The following CCDC85A variants were observed in gnomAD, a reference collection of about 807,000 sequenced individuals.
CCDC85A encodes the protein coiled-coil domain containing 85A.
In CCDC85A, 38 loss-of-function variants were observed where a neutral mutation model predicts 50.2. That is an observed-to-expected ratio of 0.76 (90% confidence interval 0.58 to 0.99). The LOEUF is 0.99. Among genes scored for constraint, CCDC85A ranks in the 50% least tolerant of loss-of-function variants. CCDC85A has a pLI of 0.00. For synonymous variants in CCDC85A, 366 were observed against 301.4 expected (o/e 1.21, Z -2.22); for missense variants, 820 against 742.0 (o/e 1.11, Z -1.22).
chr2:56,245,384 A>T (rs965151683), intron 2 of CCDC85A, among the ~76,000 whole-genome samples: 2 of 152,200 alleles, frequency 1.3e-5, no homozygotes, highest in African/African-American at 4.8e-5. Flanking sequence ...CCACAAGCCC[A>T]CAGATTCCCT....
chr2:56,289,684 T>C (rs1360250372), intron 2 of CCDC85A, among the ~76,000 whole-genome samples: 1 of 152,178 alleles, frequency 6.6e-6, no homozygotes, highest in African/African-American at 2.4e-5. Context: ...CCATCTTCTT[T>C]CCACTATTCA....
intron 2 of CCDC85A, among the ~76,000 whole-genome samples, chr2:56,297,055 G>T (rs553400876): frequency 6.6e-6 from 1 of 152,214 alleles, no homozygotes; most frequent in Admixed American, 6.5e-5. Flanking sequence ...TCTGAAAAAT[G>T]AACATGAGAT....
intron 2 of CCDC85A, among the ~76,000 whole-genome samples, chr2:56,318,508 T>C (rs1673019425): frequency 6.6e-6 from 1 of 152,144 alleles, no homozygotes; most frequent in Non-Finnish European, 1.5e-5. Context: ...AAGATATTTT[T>C]GTTTATTTTC....
At chr2:56,196,427 T>C (rs1676522048) in intron 2 of CCDC85A, among the ~76,000 whole-genome samples, 1 of 152,248 alleles carries the variant, frequency 6.6e-6, no homozygotes, top group Admixed American at 6.5e-5. Flanking sequence ...TGAATAACCA[T>C]TGTCATTTAT....
chr2:56,264,973 C>G (rs994209890), intron 2 of CCDC85A, among the ~76,000 whole-genome samples: 1 of 152,138 alleles, frequency 6.6e-6, no homozygotes, highest in Non-Finnish European at 1.5e-5. Context: ...TTAAGGAGAC[C>G]TACTTGGACT....
chr2:56,219,241 C>G (rs145691277), intron 2 of CCDC85A, among the ~76,000 whole-genome samples: 1 of 147,332 alleles, frequency 6.8e-6, no homozygotes, highest in Non-Finnish European at 1.5e-5. Context: ...ATACGAGATG[C>G]GAAGATGAAT....
chr2:56,226,827 G>T (rs1668562173), intron 2 of CCDC85A, among the ~76,000 whole-genome samples: 3 of 151,956 alleles, frequency 2.0e-5, no homozygotes, highest in Admixed American at 2.0e-4. Context: ...GGAAATCTGA[G>T]TTCCTAGCAC....
intron 2 of CCDC85A, among the ~76,000 whole-genome samples, chr2:56,294,748 G>A (rs2104162089): frequency 6.6e-6 from 1 of 152,304 alleles, no homozygotes; most frequent in East Asian, 1.9e-4. Flanking sequence ...TTTCTGGGTT[G>A]CTGGATTGCA....
At chr2:56,271,996 T>C (rs1450715057) in intron 2 of CCDC85A, among the ~76,000 whole-genome samples, 1 of 152,016 alleles carries the variant, frequency 6.6e-6, no homozygotes, top group African/African-American at 2.4e-5. Flanking sequence ...CTAAAGGAGG[T>C]GGGTAGTGAG....
chr2:56,236,295 G>A (rs1162313854), intron 2 of CCDC85A, among the ~76,000 whole-genome samples: 3 of 152,176 alleles, frequency 2.0e-5, no homozygotes, highest in Non-Finnish European at 4.4e-5. Flanking sequence ...TTTGAGCAGA[G>A]AAGCAACACA....
chr2:56,250,997 T>A (rs1669728027), intron 2 of CCDC85A, among the ~76,000 whole-genome samples: 1 of 152,188 alleles, frequency 6.6e-6, no homozygotes, highest in African/African-American at 2.4e-5. Flanking sequence ...TTTAGTTTAG[T>A]TCTGTCTTTT....
In CCDC85A at chr2:56,192,155, C is replaced by G. The variant is rs538946466; in HGVS notation, c.277-322C>G. ...TGGGTAAAAATTGGATGACATAATG[C>G]AAGTAAAGTATTGTGCAGGGATAGA... is the stretch of plus-strand genomic sequence containing the variant. On this transcript the variant is annotated intron_variant, in intron 1 of 5. Transcript: ENST00000407595. This position sits in a 1 kb window ranked among gnomAD's most constrained non-coding sequence, Gnocchi z 4.7. 1.3e-5 allele frequency among the ~76,000 whole-genome samples: 2 copies of G among 151,628 alleles called. No individual in the cohort carries two copies. The highest frequency in any genetic ancestry group is 1.9e-4 in the East Asian group (1 of 5,142).
chr2:56,214,196 G>A (rs879533630), intron 2 of CCDC85A, among the ~76,000 whole-genome samples: 2 of 151,944 alleles, frequency 1.3e-5, no homozygotes, highest in Admixed American at 1.3e-4. Context: ...GCTACTGTAT[G>A]ACATTGGACA....
At chr2:56,228,944 AATAACAAGCCTTCTCATTAAG>A (rs1231936010) in intron 2 of CCDC85A, among the ~76,000 whole-genome samples, 1 of 152,184 alleles carries the variant, frequency 6.6e-6, no homozygotes, top group Non-Finnish European at 1.5e-5. Flanking sequence ...AATACATTTA[AATAACAAGCCTTCTCATTAAG>A]GTTTTCCAAA....
At chr2:56,331,035 A>G (rs1673764764) in intron 2 of CCDC85A, among the ~76,000 whole-genome samples, 1 of 152,148 alleles carries the variant, frequency 6.6e-6, no homozygotes, top group Non-Finnish European at 1.5e-5. Flanking sequence ...ACAATAGAAT[A>G]CTGTTCAGCC....
chr2:56,373,731 G>A (rs559678612), intron 4 of CCDC85A, among the ~76,000 whole-genome samples: 1 of 152,296 alleles, frequency 6.6e-6, no homozygotes, highest in Non-Finnish European at 1.5e-5. Flanking sequence ...AGGAAATATG[G>A]CACTGCAATG....
At chr2:56,280,906 G>T (rs775734521) in intron 2 of CCDC85A, among the ~76,000 whole-genome samples, 23 of 152,120 alleles carry the variant, frequency 1.5e-4, no homozygotes, top group Non-Finnish European at 2.4e-4. Flanking sequence ...ATATTTATAG[G>T]ATGTTGGAGC....
chr2:56,289,745 C>A (rs1671617771), intron 2 of CCDC85A, among the ~76,000 whole-genome samples: 1 of 152,014 alleles, frequency 6.6e-6, no homozygotes, highest in African/African-American at 2.4e-5. Context: ...TCTCTGTTGT[C>A]CGAATTGTCA....
intron 5 of CCDC85A, among the ~76,000 whole-genome samples, chr2:56,382,240 A>G (rs1471150838): frequency 2.0e-5 from 3 of 152,030 alleles, no homozygotes; most frequent in Admixed American, 1.3e-4. Context: ...CTTCTAGTAG[A>G]GAAATTATAT....
Sources: gnomAD v4.1 joint callset for allele counts (sites outside exome capture counted in the v4.1 genomes callset) on GRCh38, gnomAD v4.1.1 for gene constraint, Gnocchi (gnomAD v3.1) non-coding constraint, MANE v1.5 for transcripts, NCBI Gene and HGNC (gene_info 2026-07-23, HGNC 2026-07-21) for gene names.